ZNF184: variants seen among roughly 807,000 people sequenced by gnomAD.
The protein encoded by ZNF184 is zinc finger protein 184 (Kruppel-like).
ZNF184 carries 16 observed loss-of-function variants against 54.4 expected under a neutral mutation model. That is an observed-to-expected ratio of 0.29 (90% CI 0.20 to 0.45). The LOEUF is 0.45. ZNF184 is among the 20% of genes least tolerant of loss of function. The pLI, the probability that ZNF184 is intolerant of heterozygous loss-of-function variation, is 1.00. For synonymous variants in ZNF184, 254 were observed against 295.3 expected, an observed-to-expected ratio of 0.86 and a Z score of 1.43; for missense variants, 681 against 888.2, an observed-to-expected ratio of 0.77 and a Z score of 2.97.
intron 5 of ZNF184, among the ~76,000 whole-genome samples, chr6:27,454,364 G>A (rs1762803586): frequency 6.6e-6 from 1 of 152,168 alleles, no homozygotes; most frequent in South Asian, 2.1e-4. Flanking sequence ...TAACAGCACA[G>A]CACGTATTAG....
chr6:27,465,966 G>C (rs374933903), intron 3 of ZNF184, among the ~76,000 whole-genome samples: 52 of 152,290 alleles, frequency 3.4e-4, no homozygotes, highest in African/African-American at 1.2e-3. Flanking sequence ...CTGTGAATTT[G>C]TTACCTAACA....
chr6:27,442,463 TA>T, the ZNF184 span, among the ~76,000 whole-genome samples: 4 of 151,064 alleles, frequency 2.6e-5, no homozygotes, highest in East Asian at 5.8e-4. Flanking sequence ...CTACAAAAAA[TA>T]AAAAAAATTA....
the ZNF184 span, among the ~76,000 whole-genome samples, chr6:27,433,714 C>T: frequency 6.6e-6 from 1 of 152,156 alleles, no homozygotes; most frequent in Non-Finnish European, 1.5e-5. Context: ...TATGTGTATA[C>T]CACATTTTGT....
rs774528426 is a variant in ZNF184 at position 27,453,015 on chromosome 6, C to T, written c.544G>A (p.Glu182Lys). ...PSWEKGPVNN[E>K]FGKSVNVSSN... ...CTCACATTGACACTTTTCCCAAATT[C>T]ATTATTTACAGGGCCTTTTTCCCAA... Residue 182 changes from glutamate to lysine, a missense_variant, in exon 6 of 6, where the codon GAA becomes AAA. Physicochemically the swap from Glu to Lys is moderately conservative, Grantham distance 56. Transcript: ENST00000683788. This position sits in a 1 kb window ranked among gnomAD's most constrained non-coding sequence, Gnocchi z 4.7. The T allele has an allele frequency of 1.7e-5, 27 of 1,613,998 alleles. No individual in the cohort carries two copies. The highest frequency in any genetic ancestry group is 1.9e-5 in the Non-Finnish European group (23 of 1,180,010).
the ZNF184 span, among the ~76,000 whole-genome samples, chr6:27,424,205 T>C: frequency 6.6e-6 from 1 of 152,340 alleles, no homozygotes; most frequent in South Asian, 2.1e-4. Context: ...TCTGGAGTTG[T>C]TCGTTCTTCA....
At chr6:27,464,680 G>A (rs1763078306) in intron 3 of ZNF184, among the ~76,000 whole-genome samples, 1 of 151,972 alleles carries the variant, frequency 6.6e-6, no homozygotes, top group South Asian at 2.1e-4. Flanking sequence ...AATACAAATG[G>A]TCTAAACACC....
chr6:27,446,776 C>T (rs924047043), downstream of ZNF184, among the ~76,000 whole-genome samples: 24 of 152,312 alleles, frequency 1.6e-4, no homozygotes, highest in East Asian at 4.4e-3. Flanking sequence ...AGCAGGGCTG[C>T]CTGAGGCCTT....
intron 3 of ZNF184, among the ~76,000 whole-genome samples, chr6:27,459,907 A>G (rs936979299): frequency 6.6e-5 from 10 of 152,234 alleles, no homozygotes; most frequent in African/African-American, 2.4e-4. Flanking sequence ...TCACACCTGC[A>G]ATCTCAACAC....
At chr6:27,467,331 C>T (rs1041883875) in intron 3 of ZNF184, among the ~76,000 whole-genome samples, 2 of 152,126 alleles carry the variant, frequency 1.3e-5, no homozygotes. Context: ...CGTGGTGGCT[C>T]ACACCTGCAA....
At chr6:27,409,295 C>G in the ZNF184 span, among the ~76,000 whole-genome samples, 1 of 151,834 alleles carries the variant, frequency 6.6e-6, no homozygotes, top group Non-Finnish European at 1.5e-5. Context: ...GTGAGGAGAT[C>G]GAGACCATCC....
chr6:27,454,967 G>T (rs1432430346), intron 5 of ZNF184, among the ~76,000 whole-genome samples: 28 of 152,152 alleles, frequency 1.8e-4, no homozygotes, highest in Admixed American at 1.8e-3. Flanking sequence ...GATCCTGAGG[G>T]TCAAGATCAT....
At chr6:27,444,612 C>A in the ZNF184 span, among the ~76,000 whole-genome samples, 1 of 152,156 alleles carries the variant, frequency 6.6e-6, no homozygotes, top group East Asian at 1.9e-4. Context: ...GCCCTCCCAT[C>A]AGGTTTTAGT....
At chr6:27,445,061 AACAT>A in the ZNF184 span, among the ~76,000 whole-genome samples, 1 of 152,198 alleles carries the variant, frequency 6.6e-6, no homozygotes, top group Non-Finnish European at 1.5e-5. Context: ...ACTAAAGCTG[AACAT>A]ATGTATACCC....
At chr6:27,443,077 A>G in the ZNF184 span, among the ~76,000 whole-genome samples, 1 of 152,310 alleles carries the variant, frequency 6.6e-6, no homozygotes, top group East Asian at 1.9e-4. Flanking sequence ...CATTTGTCAC[A>G]ATGATGGAAT....
At chr6:27,427,036 G>T in the ZNF184 span, among the ~76,000 whole-genome samples, 2 of 128,858 alleles carry the variant, frequency 1.6e-5, no homozygotes, top group Admixed American at 1.8e-4. Flanking sequence ...TAATGAAAAA[G>T]AATGAAGCAA....
chr6:27,433,963 C>CCTCTCCCTCCCTTCCTTCCTTCCTAA, the ZNF184 span, among the ~76,000 whole-genome samples: 1 of 148,420 alleles, frequency 6.7e-6, no homozygotes, highest in Admixed American at 6.8e-5. Context: ...TTCCTTCCTT[C>CCTCTCCCTCCCTTCCTTCCTTCCTAA]CTCTCCCTCC....
In ZNF184 at chr6:27,450,992, C is replaced by T. The variant is rs1434117662; in HGVS notation, c.*311G>A. ...AGCAAAATGCTGATGTATAGTAAAC[C>T]CATTCAAGAAAATATTGTAAATATA... On this transcript the variant is annotated 3_prime_UTR_variant, in exon 6 of 6. Coordinates refer to ENST00000683788, the MANE Select transcript of ZNF184 (RefSeq NM_001318891.2). 1 of 233,346 alleles carries T rather than the reference C, an allele frequency of 4.3e-6. No individual in the cohort carries two copies. Among genetic ancestry groups the T allele is most frequent in the African/African-American group, 2.3e-5 (1 of 43,712 alleles). 14.5% of individuals were successfully genotyped at this position (233,346 alleles called of 1,614,324 possible).
At chr6:27,406,637 C>T in the ZNF184 span, 1 of 152,318 alleles carries the variant, frequency 6.6e-6, no homozygotes, top group Admixed American at 6.5e-5. Context: ...ACATCCTTCT[C>T]CCAAATGACT....
rs779635180 is a variant in ZNF184, at chr6:27,452,743, A to G, written c.816T>C (p.His272=). 1.9e-6 allele frequency: 3 copies of G among 1,614,002 alleles called. No homozygotes were observed. Among genetic ancestry groups the G allele is most frequent in the Non-Finnish European group, 2.5e-6 (3 of 1,180,024 alleles). ...CACATTTATATGGTTTATCTCCAGT[A>G]TGAATTCTTTGATGGTTTATAAGGT... The part of the protein sequence containing the change: ...SENLINHQRI[H]TGDKPYKCDQ... The change falls in exon 6 of 6, where the codon CAT becomes CAC. Residue 272 remains histidine, a synonymous_variant. Transcript: ENST00000683788. The surrounding 1 kb of genome is among the most constrained non-coding windows in gnomAD (Gnocchi z 5.5).
Sources: allele counts gnomAD v4.1 joint callset (sites outside exome capture counted in the v4.1 genomes callset), GRCh38; gene constraint gnomAD v4.1.1; non-coding constraint Gnocchi (gnomAD v3.1); transcripts MANE v1.5; gene names NCBI Gene and HGNC (gene_info 2026-07-23, HGNC 2026-07-21).